The following ZNG1B variants were observed in gnomAD, a reference collection of about 807,000 sequenced individuals.
The protein encoded by ZNG1B is Zn regulated GTPase metalloprotein activator 1B, also known as zinc-regulated GTPase metalloprotein activator 1B.
the ZNG1B span, among the ~76,000 whole-genome samples, chr2:113,484,917 G>A: frequency 2.6e-5 from 4 of 151,406 alleles, no homozygotes; most frequent in South Asian, 2.1e-4. Flanking sequence ...CACCTGCTTC[G>A]GCCTCCCAAA....
At chr2:113,448,768 G>A in the ZNG1B span, among the ~76,000 whole-genome samples, 3 of 151,910 alleles carry the variant, frequency 2.0e-5, no homozygotes, top group African/African-American at 7.3e-5. Context: ...GCCTGGCTTG[G>A]TGGTGGGAGC....
the ZNG1B span, chr2:113,471,136 T>C: frequency 8.4e-7 from 1 of 1,185,144 alleles, no homozygotes; most frequent in Non-Finnish European, 1.2e-6. Flanking sequence ...GTACCTTTTT[T>C]CCCCATAGTT....
At chr2:113,475,612 C>A in the ZNG1B span, among the ~76,000 whole-genome samples, 4 of 151,744 alleles carry the variant, frequency 2.6e-5, no homozygotes. Context: ...TGGCATGATT[C>A]TGCAGTGGCT....
the ZNG1B span, among the ~76,000 whole-genome samples, chr2:113,459,462 C>G: frequency 1.6e-3 from 237 of 149,180 alleles, no homozygotes; most frequent in Non-Finnish European, 2.8e-3. Context: ...GCATTGTACA[C>G]AGACTGATTT....
chr2:113,440,495 A>G, the ZNG1B span, among the ~76,000 whole-genome samples: 1 of 152,006 alleles, frequency 6.6e-6, no homozygotes, highest in Non-Finnish European at 1.5e-5. Flanking sequence ...TATACTTCAT[A>G]TTTTTGTGAT....
At chr2:113,443,658 A>G in the ZNG1B span, 5 of 899,600 alleles carry the variant, frequency 5.6e-6, no homozygotes, top group Non-Finnish European at 8.5e-6. Context: ...AATATAAGTT[A>G]TAAAATGCAG....
chr2:113,438,945 A>C, the ZNG1B span: 2 of 1,533,096 alleles, frequency 1.3e-6, no homozygotes, highest in East Asian at 2.5e-5. Flanking sequence ...AAAACTTTGT[A>C]GACTGTAAGT....
At chr2:113,444,120 A>G in the ZNG1B span, 13 of 437,210 alleles carry the variant, frequency 3.0e-5, no homozygotes, top group Non-Finnish European at 5.1e-5. Flanking sequence ...TCTCTAGTGC[A>G]TGAAAGTCTC....
chr2:113,447,851 C>CCTT, the ZNG1B span: 2 of 452,712 alleles, frequency 4.4e-6, no homozygotes, highest in Non-Finnish European at 8.8e-6. Flanking sequence ...TTCAGACTCC[C>CCTT]CTTCTAATTC....
the ZNG1B span, chr2:113,481,967 A>ATG: frequency 1.3e-6 from 1 of 778,534 alleles, no homozygotes; most frequent in African/African-American, 1.8e-5. Context: ...ATATATATGA[A>ATG]TGTGTGGGTT....
the ZNG1B span, among the ~76,000 whole-genome samples, chr2:113,440,122 G>C: frequency 6.6e-6 from 1 of 151,448 alleles, no homozygotes; most frequent in East Asian, 1.9e-4. Context: ...CTGACCTCGT[G>C]ATCCGCCCGC....
chr2:113,452,980 C>G, the ZNG1B span, among the ~76,000 whole-genome samples: 1 of 152,070 alleles, frequency 6.6e-6, no homozygotes, highest in Non-Finnish European at 1.5e-5. Context: ...CTGTAACTCC[C>G]TTTTGCTATA....
the ZNG1B span, among the ~76,000 whole-genome samples, chr2:113,461,027 T>A: frequency 1.4e-4 from 20 of 144,364 alleles, no homozygotes; most frequent in African/African-American, 4.3e-4. Flanking sequence ...ATTGAAGATT[T>A]TATATATATA....
chr2:113,455,591 A>G, the ZNG1B span: 4 of 1,287,284 alleles, frequency 3.1e-6, no homozygotes, highest in South Asian at 3.7e-5. Flanking sequence ...GAATGAAATC[A>G]TCCCACCCAC....
the ZNG1B span, among the ~76,000 whole-genome samples, chr2:113,478,106 A>G: frequency 6.6e-6 from 1 of 152,136 alleles, no homozygotes; most frequent in African/African-American, 2.4e-5. Flanking sequence ...TATTGCAAAT[A>G]ATGCTGCAAT....
the ZNG1B span, among the ~76,000 whole-genome samples, chr2:113,446,763 C>T: frequency 7.8e-6 from 1 of 128,470 alleles, no homozygotes; most frequent in Non-Finnish European, 1.7e-5. Context: ...CACACACGCA[C>T]ATGCACACGC....
At chr2:113,483,891 T>G in the ZNG1B span, among the ~76,000 whole-genome samples, 1 of 152,280 alleles carries the variant, frequency 6.6e-6, no homozygotes, top group Non-Finnish European at 1.5e-5. Flanking sequence ...ATCTATATTT[T>G]TGTAGCCTCT....
At chr2:113,461,181 G>T in the ZNG1B span, among the ~76,000 whole-genome samples, 1 of 150,330 alleles carries the variant, frequency 6.7e-6, no homozygotes, top group Non-Finnish European at 1.5e-5. Flanking sequence ...CAAGTAGCTG[G>T]GATTACAGGC....
the ZNG1B span, among the ~76,000 whole-genome samples, chr2:113,445,799 T>TA: frequency 1.5e-3 from 184 of 120,944 alleles, 1 homozygote; most frequent in Admixed American, 3.9e-3. Flanking sequence ...TACCATTATT[T>TA]TTTTTTTTTT....
Sources: allele counts gnomAD v4.1 joint callset (sites outside exome capture counted in the v4.1 genomes callset), GRCh38; gene constraint gnomAD v4.1.1; transcripts MANE v1.5; gene names NCBI Gene and HGNC (gene_info 2026-07-23, HGNC 2026-07-21).